The following KCNIP4 variants were observed in gnomAD, a reference collection of about 807,000 sequenced individuals.
KCNIP4 encodes the protein potassium voltage-gated channel interacting protein 4.
Under a neutral mutation model 34.0 loss-of-function variants are expected in KCNIP4, and 12 were observed. The observed-to-expected ratio is 0.35, with a 90% confidence interval of 0.23 to 0.57. The LOEUF (loss-of-function observed/expected upper bound fraction) is 0.57. Ranked by LOEUF, KCNIP4 falls within the 20% of genes least tolerant of loss-of-function variation. KCNIP4 has a pLI of 0.83. For missense variants in KCNIP4, 238 were observed against 311.7 expected (o/e 0.76, Z 1.78); for synonymous variants, 124 against 102.2 (o/e 1.21, Z -1.29).
intron 1 of KCNIP4, among the ~76,000 whole-genome samples, chr4:20,955,149 G>A (rs1367482455): frequency 6.6e-6 from 1 of 152,124 alleles, no homozygotes; most frequent in African/African-American, 2.4e-5. Flanking sequence ...TGGTGGCTGG[G>A]GGTTGTTACT....
At position 21,834,729 on chromosome 4, in the gene KCNIP4, T is replaced by C. The variant is rs538628461; in HGVS notation, c.61+113842A>G. 3.4e-4 allele frequency among the ~76,000 whole-genome samples: 52 copies of C among 151,818 alleles called. 1 individual carries two copies. The highest frequency in any genetic ancestry group is 1.3e-3 in the Admixed American group (19 of 15,190). On this transcript the variant is annotated intron_variant, in intron 1 of 8. Coordinates refer to ENST00000382152, the MANE Select transcript of KCNIP4 (RefSeq NM_025221.6). ...ATTCAGTATGATATTGGCTGTGGGT[T>C]TGTCATAGATAGCTCTTATTATTTT...
intron 1 of KCNIP4, among the ~76,000 whole-genome samples, chr4:21,542,616 G>C (rs1737800710): frequency 1.3e-5 from 2 of 151,544 alleles, no homozygotes; most frequent in Admixed American, 6.6e-5. Context: ...TAAAACAAAA[G>C]TGATCAAAAT....
Position 21,719,976 on chromosome 4 carries a change from A to AG in KCNIP4, c.61+228594_61+228595insC, listed in dbSNP as rs1301997691. On this transcript the variant is annotated intron_variant, in intron 1 of 8. Transcript: ENST00000382152. ...GAAGCTCCATCTCAAAAAAAAAAAA[A>AG]AAAGAAGAAGAGGAAGAAGAAAAGA... is the stretch of plus-strand genomic sequence containing the variant. Among the ~76,000 whole-genome samples, 49 of 102,766 alleles carry AG rather than the reference A, an allele frequency of 4.8e-4. 2 individuals carry two copies. The highest frequency in any genetic ancestry group is 4.6e-3 in the Admixed American group (37 of 8,006). 67.4% of individuals were successfully genotyped at this position (102,766 alleles called of 152,430 possible).
At chr4:21,509,369 A>T (rs1036516519) in intron 1 of KCNIP4, among the ~76,000 whole-genome samples, 2 of 152,186 alleles carry the variant, frequency 1.3e-5, no homozygotes, top group South Asian at 4.1e-4. Flanking sequence ...TCATACATCC[A>T]TTATAATATA....
intron 1 of KCNIP4, among the ~76,000 whole-genome samples, chr4:21,141,002 T>C (rs1751908838): frequency 6.6e-6 from 1 of 152,204 alleles, no homozygotes; most frequent in Non-Finnish European, 1.5e-5. Flanking sequence ...AACTTGGAGA[T>C]GCTGTGAGTT....
chr4:20,933,669 C>T lies in KCNIP4; in HGVS notation c.62-50960G>A. ...TAGTCCAAACAATTGTTACTTTAAG[C>T]TAAAATTATATGGATTTGACTCTTC... On this transcript the variant is annotated intron_variant, in intron 1 of 8. Coordinates refer to ENST00000382152, the MANE Select transcript of KCNIP4 (RefSeq NM_025221.6). 1.3e-5 allele frequency among the ~76,000 whole-genome samples: 2 copies of T among 151,222 alleles called. 1 individual carries two copies. The highest frequency in any genetic ancestry group is 2.9e-5 in the Non-Finnish European group (2 of 67,922).
chr4:20,864,248 A>G (rs201403150), intron 2 of KCNIP4, among the ~76,000 whole-genome samples: 30,889 of 151,300 alleles, frequency 0.2, 3,374 homozygotes, highest in South Asian at 0.35. Context: ...ATATGTATGT[A>G]TATATGCACA....
At chr4:20,908,442 A>G (rs1309345047) in intron 1 of KCNIP4, among the ~76,000 whole-genome samples, 1 of 152,216 alleles carries the variant, frequency 6.6e-6, no homozygotes, top group Non-Finnish European at 1.5e-5. Flanking sequence ...AACGATTGCC[A>G]TTACACACAT....
intron 1 of KCNIP4, among the ~76,000 whole-genome samples, chr4:21,127,178 G>C (rs1343580077): frequency 6.6e-6 from 1 of 152,134 alleles, no homozygotes; most frequent in African/African-American, 2.4e-5. Flanking sequence ...CCTCTTGGCT[G>C]TCCTAAGAGC....
At chr4:20,848,615 A>G (rs996726196) in intron 3 of KCNIP4, among the ~76,000 whole-genome samples, 1 of 152,194 alleles carries the variant, frequency 6.6e-6, no homozygotes, top group Non-Finnish European at 1.5e-5. Context: ...TAATGATGGC[A>G]GTAATCATGA....
intron 1 of KCNIP4, among the ~76,000 whole-genome samples, chr4:21,266,955 G>A (rs1761850351): frequency 6.6e-6 from 1 of 152,142 alleles, no homozygotes; most frequent in Admixed American, 6.5e-5. Flanking sequence ...AAGGTCTTGG[G>A]CTAGTCACGT....
At chr4:21,802,841 AC>A (rs1488909408) in intron 1 of KCNIP4, among the ~76,000 whole-genome samples, 1 of 152,152 alleles carries the variant, frequency 6.6e-6, no homozygotes, top group East Asian at 1.9e-4. Flanking sequence ...CAAAAATTGC[AC>A]CCCAACTTTC....
At chr4:20,760,653 A>G (rs867138094) in intron 3 of KCNIP4, among the ~76,000 whole-genome samples, 10 of 152,170 alleles carry the variant, frequency 6.6e-5, no homozygotes, top group African/African-American at 2.2e-4. Context: ...CTGCATTCAC[A>G]GAGGCAGAAC....
At chr4:21,888,853 CAGTTTAGCTCTTTTT>C (rs111439747) in intron 1 of KCNIP4, among the ~76,000 whole-genome samples, 4 of 152,192 alleles carry the variant, frequency 2.6e-5, no homozygotes, top group African/African-American at 9.6e-5. Flanking sequence ...GCTTCACATC[CAGTTTAGCTCTTTTT>C]ATGCAGTCAC....
chr4:21,906,914 G>C (rs1202871785), intron 1 of KCNIP4, among the ~76,000 whole-genome samples: 1 of 152,068 alleles, frequency 6.6e-6, no homozygotes, highest in African/African-American at 2.4e-5. Context: ...GCTTCTAAAA[G>C]TTGCTTTTCT....
At chr4:21,826,909 G>C (rs969309520) in intron 1 of KCNIP4, among the ~76,000 whole-genome samples, 6 of 152,082 alleles carry the variant, frequency 3.9e-5, no homozygotes, top group African/African-American at 1.4e-4. Context: ...ATAGCAGAAG[G>C]GAGCTTGAAA....
intron 1 of KCNIP4, among the ~76,000 whole-genome samples, chr4:21,387,862 G>A (rs143748228): frequency 2.0e-5 from 3 of 152,286 alleles, no homozygotes; most frequent in African/African-American, 7.2e-5. Flanking sequence ...CATTGTCAAA[G>A]TACTTACTAT....
At chr4:20,836,741 A>G (rs1015816612) in intron 3 of KCNIP4, among the ~76,000 whole-genome samples, 1 of 152,194 alleles carries the variant, frequency 6.6e-6, no homozygotes, top group East Asian at 1.9e-4. Context: ...ATATCTTCAC[A>G]GTAAAATATA....
chr4:20,771,645 G>A (rs1755892045), intron 3 of KCNIP4, among the ~76,000 whole-genome samples: 1 of 151,960 alleles, frequency 6.6e-6, no homozygotes, highest in South Asian at 2.1e-4. Context: ...CTTTGAGAAA[G>A]CATAGGAATT....
Sources: allele counts gnomAD v4.1 joint callset (sites outside exome capture counted in the v4.1 genomes callset), GRCh38; gene constraint gnomAD v4.1.1; transcripts MANE v1.5; gene names NCBI Gene and HGNC (gene_info 2026-07-23, HGNC 2026-07-21).